Variants in PITPNA observed in about 807,000 individuals in gnomAD.
The protein encoded by PITPNA is phosphatidylinositol transfer protein alpha.
PITPNA carries 13 observed loss-of-function variants against 50.3 expected under a neutral mutation model. The observed-to-expected ratio is 0.26, with a 90% CI of 0.17 to 0.41. The LOEUF is 0.41. Among genes scored for constraint, PITPNA ranks in the 10% least tolerant of loss-of-function variants. The probability of loss-of-function intolerance (pLI) is 1.00; values close to 1 mark genes in which losing one functional copy is unlikely to be tolerated. For synonymous variants in PITPNA, 120 were observed against 119.6 expected (o/e 1.00, Z -0.02); for missense variants, 207 against 333.4 (o/e 0.62, Z 2.95).
At chr17:1,529,714 G>C (rs2075569872) in intron 10 of PITPNA, among the ~76,000 whole-genome samples, 2 of 151,936 alleles carry the variant, frequency 1.3e-5, no homozygotes, top group South Asian at 4.1e-4. Flanking sequence ...AATTAGCCAG[G>C]CGTGGTGGCG....
At chr17:1,561,942 C>G (rs1191643612) in intron 1 of PITPNA, among the ~76,000 whole-genome samples, 1 of 152,206 alleles carries the variant, frequency 6.6e-6, no homozygotes, top group Non-Finnish European at 1.5e-5. Flanking sequence ...CGCCGGGAGG[C>G]CCTGCCTGCC....
intron 2 of PITPNA, among the ~76,000 whole-genome samples, chr17:1,556,287 A>G (rs74905199): frequency 6.6e-6 from 1 of 152,214 alleles, no homozygotes; most frequent in African/African-American, 2.4e-5. Context: ...CCAGGCAGAC[A>G]GGTGAATCCT....
intron 10 of PITPNA, among the ~76,000 whole-genome samples, chr17:1,522,696 T>C (rs986079063): frequency 1.3e-5 from 2 of 152,202 alleles, no homozygotes; most frequent in Non-Finnish European, 2.9e-5. Context: ...TCTTTAGTGC[T>C]AGGGACTTCC....
rs2075610499 is a variant in PITPNA at position 1,535,494 on chromosome 17, C to T, written c.481G>A (p.Ala161Thr). ...SKDYKAEEDP[A>T]KFKSIKTGRG... ...CCTGTTTTGATAGATTTAAATTTTG[C>T]TGGGTCTTCCTCTGCCTTGTAATCC... The change falls in exon 8 of 12, where the codon GCA becomes ACA. Residue 161 changes from alanine to threonine, a missense_variant. Transcript: ENST00000313486. 1.2e-6 allele frequency: 2 copies of T among 1,613,390 alleles called. No homozygotes were observed. The highest frequency in any genetic ancestry group is 1.7e-6 in the Non-Finnish European group (2 of 1,179,356).
At chr17:1,557,044 G>A (rs1182968351) in intron 2 of PITPNA, among the ~76,000 whole-genome samples, 1 of 152,150 alleles carries the variant, frequency 6.6e-6, no homozygotes, top group Non-Finnish European at 1.5e-5. Flanking sequence ...TGGTTCTCAG[G>A]CCCCAGGTAC....
chr17:1,555,593 G>C (rs2075731234), intron 2 of PITPNA, among the ~76,000 whole-genome samples: 2 of 152,056 alleles, frequency 1.3e-5, no homozygotes, highest in African/African-American at 4.8e-5. Flanking sequence ...AGAGAACTAA[G>C]ACATTCAACT....
chr17:1,542,201 G>GAAA (rs11349129), intron 5 of PITPNA, among the ~76,000 whole-genome samples: 1 of 132,984 alleles, frequency 7.5e-6, no homozygotes, highest in African/African-American at 2.8e-5. Flanking sequence ...ACTCCGTTTC[G>GAAA]AAAAAAAAAA....
Position 1,536,432 on chromosome 17 carries a change from T to A in PITPNA, c.457-914A>T, listed in dbSNP as rs182557236. On this transcript the variant is annotated intron_variant, in intron 7 of 11. Coordinates refer to ENST00000313486, the MANE Select transcript of PITPNA (RefSeq NM_006224.4). Reference sequence around the variant, plus strand: ...CCTCCCCAGCAACTGGGACGACAGGTGCCCGCCACCATGCCCGGCTAATTT... The same window carrying A: ...CCTCCCCAGCAACTGGGACGACAGGAGCCCGCCACCATGCCCGGCTAATTT... Among the ~76,000 whole-genome samples the A allele has an allele frequency of 5.1e-3, 733 of 144,422 alleles. 5 individuals carry two copies. Among genetic ancestry groups the A allele is most frequent in the Middle Eastern group, 8.5e-3 (2 of 236 alleles). The allele number at this position is 144,422 out of a possible 152,430, so 94.7% of individuals were successfully genotyped here. A position where few individuals can be genotyped will look rare whatever the true frequency, so the allele number is the denominator to read the frequency against.
chr17:1,532,145 T>C (rs1356313746), intron 10 of PITPNA, among the ~76,000 whole-genome samples: 1 of 152,202 alleles, frequency 6.6e-6, no homozygotes, highest in African/African-American at 2.4e-5. Flanking sequence ...TGGAGTGCAA[T>C]GGCATGATCT....
intron 10 of PITPNA, among the ~76,000 whole-genome samples, chr17:1,525,524 T>C (rs1395630061): frequency 6.7e-6 from 1 of 149,598 alleles, no homozygotes; most frequent in Non-Finnish European, 1.5e-5. Context: ...TTTTTTTTTT[T>C]TTTTGAGACA....
rs2075494329 is a variant in PITPNA, at chr17:1,519,302, C to CAT, written c.*1258_*1259insAT. ...ATGTCAGGTGACACTACAGCTCTCT[C>CAT]TCATTCTCCCACTAAGAGGCAAACT... On this transcript the variant is annotated 3_prime_UTR_variant, in exon 12 of 12. Transcript: ENST00000313486. 1 of 152,252 alleles carries CAT rather than the reference C, an allele frequency of 6.6e-6. No homozygotes were observed. The highest frequency in any genetic ancestry group is 1.5e-5 in the Non-Finnish European group (1 of 68,054). The allele number at this position is 152,252 out of a possible 1,614,324, so 9.4% of individuals were successfully genotyped here.
rs780737924 is a variant in PITPNA at position 1,533,018 on chromosome 17, T to TGCAGCATGG, written c.768+1072_768+1080dup. ...AGCATGGTGAAGCAGACACCGTCCG[T>TGCAGCATGG]GCAGCATGGGCAGCATGGGCGCCCA... On this transcript the variant is annotated intron_variant, in intron 10 of 11. Transcript: ENST00000313486. Among the ~76,000 whole-genome samples, 218 of 152,318 alleles carry TGCAGCATGG rather than the reference T, an allele frequency of 1.4e-3. 3 individuals carry two copies. Among genetic ancestry groups the TGCAGCATGG allele is most frequent in the Non-Finnish European group, 1.7e-3 (119 of 68,022 alleles).
intron 10 of PITPNA, among the ~76,000 whole-genome samples, chr17:1,527,939 C>T (rs1387380379): frequency 2.6e-5 from 4 of 152,156 alleles, no homozygotes; most frequent in Admixed American, 1.3e-4. Flanking sequence ...CCCAACACTT[C>T]GGGAGGCTGA....
intron 9 of PITPNA, among the ~76,000 whole-genome samples, 177 bp from the exon 10 acceptor site, chr17:1,534,398 G>A (rs186465010): frequency 1.1e-4 from 16 of 152,210 alleles, no homozygotes; most frequent in Admixed American, 7.9e-4. Flanking sequence ...TTGCCTTCAC[G>A]TGTCTAACAG....
At chr17:1,558,128 G>A (rs183114512) in intron 2 of PITPNA, among the ~76,000 whole-genome samples, 22 of 152,014 alleles carry the variant, frequency 1.4e-4, no homozygotes, top group Admixed American at 1.2e-3. Flanking sequence ...CTACTTGGGA[G>A]GCTGAGGCAG....
intron 5 of PITPNA, among the ~76,000 whole-genome samples, chr17:1,541,994 G>C (rs2075650282): frequency 1.3e-5 from 2 of 152,134 alleles, no homozygotes; most frequent in Non-Finnish European, 2.9e-5. Flanking sequence ...GAGGTCACAA[G>C]ATCGAGACCA....
intron 3 of PITPNA, among the ~76,000 whole-genome samples, chr17:1,550,949 A>C (rs1329962385): frequency 1.3e-5 from 2 of 152,156 alleles, no homozygotes; most frequent in Non-Finnish European, 2.9e-5. Context: ...CATGTTGGAG[A>C]CGCTGAGGAG....
chr17:1,546,224 C>T (rs990128386), intron 4 of PITPNA, among the ~76,000 whole-genome samples: 1 of 152,002 alleles, frequency 6.6e-6, no homozygotes, highest in South Asian at 2.1e-4. Context: ...CCACCGTGCC[C>T]GACCCTGTCT....
intron 3 of PITPNA, among the ~76,000 whole-genome samples, chr17:1,551,753 A>C (rs1004158089): frequency 3.9e-5 from 6 of 152,238 alleles, no homozygotes; most frequent in Non-Finnish European, 7.3e-5. Context: ...GGAGGAGCAA[A>C]ACGAGACATG....
Sources: gnomAD v4.1 joint callset for allele counts (sites outside exome capture counted in the v4.1 genomes callset) on GRCh38, gnomAD v4.1.1 for gene constraint, MANE v1.5 for transcripts, NCBI Gene and HGNC (gene_info 2026-07-23, HGNC 2026-07-21) for gene names.